EIF3A: variants seen among roughly 807,000 people sequenced by gnomAD.
EIF3A encodes the protein eukaryotic translation initiation factor 3 subunit A.
Under a neutral mutation model 186.6 loss-of-function variants are expected in EIF3A, and 21 were observed. The ratio of observed to expected loss-of-function variants is 0.11; its 90% CI spans 0.08 to 0.16. EIF3A has a LOEUF of 0.16. Among genes scored for constraint, EIF3A ranks in the 10% least tolerant of loss-of-function variants. The probability of loss-of-function intolerance (pLI) is 1.00; values close to 1 mark genes in which losing one functional copy is unlikely to be tolerated. For missense variants in EIF3A, 1,306 were observed against 1,796.3 expected, an observed-to-expected ratio of 0.73 and a Z score of 4.93; for synonymous variants, 563 against 584.3, an observed-to-expected ratio of 0.96 and a Z score of 0.52.
chr10:119,037,060 T>TC (rs11336519), intron 21 of EIF3A, 59 bp downstream of exon 21: 8,447 of 391,784 alleles, frequency 0.022, 414 homozygotes, highest in African/African-American at 0.11. Flanking sequence ...ATAACCCAAA[T>TC]CCCCCCCCCC....
intron 1 of EIF3A, among the ~76,000 whole-genome samples, chr10:119,075,711 C>CTTTTTTTTTTTTT (rs58392465): frequency 1.5e-5 from 1 of 65,274 alleles, no homozygotes; most frequent in Non-Finnish European, 2.6e-5. Context: ...TGGAAAAAGA[C>CTTTTTTTTTTTTT]TTTTTTTTTT....
At chr10:119,080,428 C>A (rs1384662077) in intron 1 of EIF3A, 200 bp downstream of exon 1, 1 of 985,336 alleles carries the variant, frequency 1.0e-6, no homozygotes, top group East Asian at 1.1e-4. Flanking sequence ...CGGTTCCGGG[C>A]TACGCGCCTC....
chr10:119,059,489 T>C, intron 10 of EIF3A, 92 bp from the exon 11 acceptor site: 1 of 1,296,546 alleles, frequency 7.7e-7, no homozygotes, highest in Non-Finnish European at 1.1e-6. Flanking sequence ...GCTGGAAAAG[T>C]TCACTCAGTA....
intron 7 of EIF3A, among the ~76,000 whole-genome samples, chr10:119,064,133 T>C (rs951467150): frequency 4.6e-5 from 7 of 152,218 alleles, no homozygotes; most frequent in African/African-American, 1.7e-4. Context: ...TTGTATTATA[T>C]CTGCTGGGTA....
At chr10:119,056,641 A>G (rs1843788576) in intron 14 of EIF3A, 99 bp downstream of exon 14, 3 of 775,068 alleles carry the variant, frequency 3.9e-6, no homozygotes, top group Non-Finnish European at 6.3e-6. Flanking sequence ...CATTTCTAGC[A>G]GAAGAATACA....
At chr10:119,080,513 T>G in intron 1 of EIF3A, 115 bp downstream of exon 1, 4 of 1,411,368 alleles carry the variant, frequency 2.8e-6, no homozygotes, top group Non-Finnish European at 3.7e-6. Flanking sequence ...GCAGGCCGCA[T>G]CGGTCTCCTC....
intron 6 of EIF3A, among the ~76,000 whole-genome samples, chr10:119,067,669 G>A (rs943488637): frequency 5.3e-5 from 8 of 152,162 alleles, no homozygotes; most frequent in African/African-American, 1.9e-4. Context: ...ATACTAGTGG[G>A]ACTCATTTAA....
At chr10:119,047,997 A>C (rs1486832465) in intron 17 of EIF3A, among the ~76,000 whole-genome samples, 3 of 152,066 alleles carry the variant, frequency 2.0e-5, no homozygotes, top group African/African-American at 7.2e-5. Flanking sequence ...GCGTGCAGAC[A>C]GATGCCACAG....
chr10:119,043,835 C>T (rs970034637), intron 18 of EIF3A, among the ~76,000 whole-genome samples: 8 of 150,020 alleles, frequency 5.3e-5, no homozygotes, highest in African/African-American at 2.0e-4. Flanking sequence ...CACTTGAACC[C>T]AGGAGGCAGA....
intron 12 of EIF3A, 35 bp downstream of exon 12, chr10:119,057,920 TA>T: frequency 6.4e-7 from 1 of 1,553,060 alleles, no homozygotes. Context: ...AATACCTGGA[TA>T]AAACTAATTT....
In EIF3A at chr10:119,033,861, G is replaced by A. The variant is rs559844227; in HGVS notation, c.*2178C>T. The A allele has an allele frequency of 1.6e-5, 2 of 124,644 alleles. No individual in the cohort carries two copies. The highest frequency in any genetic ancestry group is 6.5e-4 in the South Asian group (2 of 3,084). 7.7% of individuals were successfully genotyped at this position (124,644 alleles called of 1,614,324 possible). ...AAAAGTATAAGTCAATCTATGGTCAGTGTCTTTGGTTAAAAAAAAAAAAAA... is the reference window on the plus strand; with the variant it reads ...AAAAGTATAAGTCAATCTATGGTCAATGTCTTTGGTTAAAAAAAAAAAAAA... On this transcript the variant is annotated 3_prime_UTR_variant, in exon 22 of 22. Coordinates refer to ENST00000369144, the MANE Select transcript of EIF3A (RefSeq NM_003750.4).
At position 119,049,919 on chromosome 10, in the gene EIF3A, C is replaced by A. The variant is rs897165912; in HGVS notation, c.2540G>T (p.Arg847Leu). The A allele has an allele frequency of 6.2e-7, 1 of 1,614,102 alleles. No individual in the cohort carries two copies. Among genetic ancestry groups the A allele is most frequent in the Non-Finnish European group, 8.5e-7 (1 of 1,180,020 alleles). ...REEELREYQE[R>L]VKKLEEVERK... ...TTCCACTTCTTCTAATTTCTTCACC[C>A]GCTCCTGATACTCTCGTAGCTCTTC... The change falls in exon 17 of 22, where the codon CGG becomes CTG. Residue 847 changes from arginine to leucine, a missense_variant. Around this residue, in one of 8 missense-constraint regions of EIF3A, gnomAD observed 410 missense variants for 473.5 expected, o/e 0.87. Transcript: ENST00000369144.
At position 119,073,038 on chromosome 10, in the gene EIF3A, A is replaced by G. The variant is rs1844103384; in HGVS notation, c.393T>C (p.Ala131=). The change falls in exon 4 of 22, where the codon GCT becomes GCC. Residue 131 remains alanine (A), a synonymous_variant. Coordinates refer to ENST00000369144, the MANE Select transcript of EIF3A (RefSeq NM_003750.4). ...IQTPESVLLS[A]VSGEDTQDRT... The stretch of plus-strand genomic sequence containing the variant: ...GATCCTGAGTGTCTTCACCACTTAC[A>G]GCACTTAGGAGAACACTACAAAGAA... 6 of 1,609,166 alleles carry G rather than the reference A, an allele frequency of 3.7e-6. No homozygotes were observed. In the African/African-American group the frequency reaches 4.0e-5, roughly 11 times the overall value.
In EIF3A at chr10:119,034,005, ACTG is replaced by A. The variant is rs879543564; in HGVS notation, c.*2031_*2033del. The stretch of plus-strand genomic sequence containing the variant: ...CTTTTGGACCGATGATGTCTCTACT[ACTG>A]GATCTATCTGTATTAACAGCAATGT... On this transcript the variant is annotated 3_prime_UTR_variant, in exon 22 of 22. Transcript: ENST00000369144. 6 of 167,222 alleles carry A rather than the reference ACTG, an allele frequency of 3.6e-5. No individual in the cohort carries two copies. The highest frequency in any genetic ancestry group is 3.4e-3 in the Middle Eastern group (1 of 296). 10.4% of individuals were successfully genotyped at this position (167,222 alleles called of 1,614,324 possible). A position where few individuals can be genotyped will look rare whatever the true frequency, so the allele number is the denominator to read the frequency against.
intron 6 of EIF3A, among the ~76,000 whole-genome samples, chr10:119,066,578 T>TAAGAATC (rs975103514): frequency 8.6e-5 from 12 of 139,694 alleles, no homozygotes; most frequent in African/African-American, 3.3e-4. Flanking sequence ...AAAAAAATTT[T>TAAGAATC]AAGAATCAGA....
intron 6 of EIF3A, among the ~76,000 whole-genome samples, chr10:119,066,618 G>C (rs932234720): frequency 3.3e-5 from 5 of 151,518 alleles, no homozygotes; most frequent in African/African-American, 1.2e-4. Context: ...GTGAGGGAGA[G>C]GGGGAGACAA....
chr10:119,069,672 A>C lies in EIF3A; in HGVS notation c.742-18T>G, dbSNP rs201066740. On this transcript the variant is annotated intron_variant, in intron 5 of 21. Coordinates refer to ENST00000369144, the MANE Select transcript of EIF3A (RefSeq NM_003750.4). ...AATGCTTCCTAAAATTAGGAGTATA[A>C]ATTAAAGTCATTGCATTCTATAACA... 10 of 1,301,154 alleles carry C rather than the reference A, an allele frequency of 7.7e-6. No homozygotes were observed. The East Asian group carries it at 2.1e-4, about 27-fold the overall frequency. The allele number at this position is 1,301,154 out of a possible 1,614,324, so 80.6% of individuals were successfully genotyped here. A position where few individuals can be genotyped will look rare whatever the true frequency, so the allele number is the denominator to read the frequency against.
At chr10:119,080,332 C>T (rs1408173634) in intron 1 of EIF3A, 1 of 985,340 alleles carries the variant, frequency 1.0e-6, no homozygotes, top group Non-Finnish European at 1.2e-6. Context: ...GGAGGGAGCT[C>T]CAGTCCGGGT....
chr10:119,078,270 C>T (rs1011007381), intron 1 of EIF3A, among the ~76,000 whole-genome samples: 1 of 152,278 alleles, frequency 6.6e-6, no homozygotes, highest in Admixed American at 6.5e-5. Context: ...TTACAGGATA[C>T]GAAATTCTTG....
Sources: gnomAD v4.1 joint callset for allele counts (sites outside exome capture counted in the v4.1 genomes callset) on GRCh38, gnomAD v4.1.1 for gene constraint, gnomAD v4.1.1 regional missense constraint, MANE v1.5 for transcripts, NCBI Gene and HGNC (gene_info 2026-07-23, HGNC 2026-07-21) for gene names.